CACNB2: variants seen among roughly 807,000 people sequenced by gnomAD.
CACNB2 encodes voltage-dependent L-type calcium channel subunit beta-2.
Under a neutral mutation model 73.3 loss-of-function variants are expected in CACNB2, and 42 were observed. The ratio of observed to expected loss-of-function variants is 0.57; its 90% CI spans 0.45 to 0.74. The LOEUF (loss-of-function observed/expected upper bound fraction) is 0.74, where lower values mean the gene tolerates loss of function less well. Ranked by LOEUF, CACNB2 falls within the 30% of genes least tolerant of loss-of-function variation. The pLI is 0.00. For missense variants in CACNB2, 940 were observed against 853.0 expected (o/e 1.10, Z -1.27); for synonymous variants, 348 against 310.3 (o/e 1.12, Z -1.28).
rs576808217 is a variant in CACNB2 at position 18,445,285 on chromosome 10, G to C, written c.333+43242G>C. On this transcript the variant is annotated intron_variant, in intron 3 of 13. Transcript: ENST00000324631. ...AGAACTGGTACAAATTACTATGTCC[G>C]ATAGTTTATCTTGAACTACGGTGTT... 3.0e-4 allele frequency among the ~76,000 whole-genome samples: 45 copies of C among 152,304 alleles called. 1 individual carries two copies. In the South Asian group the frequency reaches 3.9e-3, roughly 13 times the overall value.
At chr10:18,400,760 C>A (rs1293197817) in intron 2 of CACNB2, 1 of 1,357,424 alleles carries the variant, frequency 7.4e-7, no homozygotes, top group East Asian at 2.9e-5. Context: ...TGATGCTCGG[C>A]TTTTGAATGC....
chr10:18,526,563 A>G (rs1339030847), intron 9 of CACNB2, among the ~76,000 whole-genome samples: 1 of 152,160 alleles, frequency 6.6e-6, no homozygotes, highest in African/African-American at 2.4e-5. Flanking sequence ...GTGAGCCTTC[A>G]ATTTTGCTTC....
intron 2 of CACNB2, among the ~76,000 whole-genome samples, chr10:18,223,686 G>C (rs1270428540): frequency 1.3e-5 from 2 of 151,968 alleles, no homozygotes; most frequent in Non-Finnish European, 2.9e-5. Context: ...AAGTACTACA[G>C]TCTTTTTCTT....
intron 2 of CACNB2, among the ~76,000 whole-genome samples, chr10:18,328,747 A>G (rs969849980): frequency 2.6e-5 from 4 of 152,232 alleles, no homozygotes; most frequent in African/African-American, 9.6e-5. Context: ...CTGCTCTTTC[A>G]TCAGGGGTTG....
intron 3 of CACNB2, among the ~76,000 whole-genome samples, chr10:18,431,641 C>G (rs1564540671): frequency 6.6e-6 from 1 of 151,906 alleles, no homozygotes; most frequent in Non-Finnish European, 1.5e-5. Context: ...TTAAAAAAGC[C>G]AAAATGAGGA....
chr10:18,255,875 G>A (rs1389238635), intron 2 of CACNB2, among the ~76,000 whole-genome samples: 3 of 152,120 alleles, frequency 2.0e-5, no homozygotes. Flanking sequence ...TGCTACAGAA[G>A]GCTTCTTTAG....
At chr10:18,315,320 C>T (rs1015466995) in intron 2 of CACNB2, among the ~76,000 whole-genome samples, 4 of 146,768 alleles carry the variant, frequency 2.7e-5, no homozygotes, top group Non-Finnish European at 4.5e-5. Flanking sequence ...GGCAACAGAG[C>T]GAGACTCTGT....
At chr10:18,250,533 CT>C (rs368248510) in intron 2 of CACNB2, among the ~76,000 whole-genome samples, 30,966 of 145,564 alleles carry the variant, frequency 0.21, 3,508 homozygotes, top group South Asian at 0.34. Flanking sequence ...TTATCTCTCT[CT>C]TTTTTTTTTT....
At chr10:18,375,581 A>G (rs952928904) in intron 2 of CACNB2, among the ~76,000 whole-genome samples, 7 of 152,214 alleles carry the variant, frequency 4.6e-5, no homozygotes, top group African/African-American at 1.7e-4. Context: ...ATTTGTCACA[A>G]AAATACTTCT....
intron 2 of CACNB2, among the ~76,000 whole-genome samples, chr10:18,237,472 G>C (rs1465807643): frequency 6.6e-6 from 1 of 152,158 alleles, no homozygotes; most frequent in East Asian, 1.9e-4. Flanking sequence ...GGCAACCTCA[G>C]AGGCTAAGAG....
intron 2 of CACNB2, among the ~76,000 whole-genome samples, chr10:18,190,844 AAAGAT>A (rs1460679987): frequency 6.6e-6 from 1 of 152,242 alleles, no homozygotes; most frequent in Non-Finnish European, 1.5e-5. Flanking sequence ...GAAGGGCAGG[AAAGAT>A]AAGATGAGTC....
intron 2 of CACNB2, among the ~76,000 whole-genome samples, chr10:18,159,166 C>T (rs1263570862): frequency 6.6e-6 from 1 of 152,012 alleles, no homozygotes; most frequent in South Asian, 2.1e-4. Flanking sequence ...AAGAGGATGA[C>T]TGCCAGCTTT....
intron 2 of CACNB2, among the ~76,000 whole-genome samples, chr10:18,190,098 G>A (rs1363992723): frequency 6.6e-6 from 1 of 152,096 alleles, no homozygotes. Context: ...TCTTACCCCC[G>A]AAGCCCTTCA....
At chr10:18,214,831 C>T (rs547753417) in intron 2 of CACNB2, among the ~76,000 whole-genome samples, 1 of 152,096 alleles carries the variant, frequency 6.6e-6, no homozygotes, top group East Asian at 1.9e-4. Context: ...AGCAGGGAAG[C>T]ATTTTGGTGT....
intron 6 of CACNB2, among the ~76,000 whole-genome samples, chr10:18,512,832 A>G (rs7073651): frequency 0.67 from 102,304 of 151,996 alleles, 35,070 homozygotes; most frequent in East Asian, 0.97. Flanking sequence ...GTTGGTTGGC[A>G]AGAGGTCATG....
chr10:18,294,700 G>A (rs563351503), intron 2 of CACNB2, among the ~76,000 whole-genome samples: 3 of 152,340 alleles, frequency 2.0e-5, no homozygotes, highest in African/African-American at 7.2e-5. Flanking sequence ...CCCTGCAAAG[G>A]AAAAATGCTC....
chr10:18,158,561 A>G (rs74793146), intron 2 of CACNB2, among the ~76,000 whole-genome samples: 6,760 of 152,272 alleles, frequency 0.044, 209 homozygotes, highest in Middle Eastern at 0.11. Flanking sequence ...TATCATTGTA[A>G]TAAACCTGGA....
At chr10:18,481,813 T>C (rs921958634) in intron 3 of CACNB2, among the ~76,000 whole-genome samples, 10 of 152,198 alleles carry the variant, frequency 6.6e-5, no homozygotes, top group African/African-American at 1.7e-4. Context: ...AGCTATATCA[T>C]CTTTTAAGTG....
intron 2 of CACNB2, among the ~76,000 whole-genome samples, chr10:18,151,828 A>G (rs1487689743): frequency 1.3e-5 from 2 of 152,130 alleles, no homozygotes; most frequent in Non-Finnish European, 2.9e-5. Flanking sequence ...ATCTCTTGTC[A>G]ATGACAGCTC....
Sources: allele counts gnomAD v4.1 joint callset (sites outside exome capture counted in the v4.1 genomes callset), GRCh38; gene constraint gnomAD v4.1.1; transcripts MANE v1.5; gene names NCBI Gene and HGNC (gene_info 2026-07-23, HGNC 2026-07-21).